Variants in MOB1B observed in about 807,000 individuals in gnomAD.
MOB1B encodes the protein MOB kinase activator 1B.
A neutral mutation model predicts 24.4 loss-of-function variants in MOB1B; 19 were observed. The ratio of observed to expected loss-of-function variants is 0.78; its 90% confidence interval spans 0.54 to 1.14. MOB1B has a LOEUF of 1.14. Ranked by LOEUF, MOB1B falls within the 50% of genes most tolerant of loss-of-function variation. The probability of loss-of-function intolerance (pLI) is 0.00; values close to 1 mark genes in which losing one functional copy is unlikely to be tolerated. For synonymous variants in MOB1B, 76 were observed against 82.1 expected, an observed-to-expected ratio of 0.93 and a Z score of 0.40; for missense variants, 243 against 259.6, an observed-to-expected ratio of 0.94 and a Z score of 0.44.
intron 2 of MOB1B, among the ~76,000 whole-genome samples, chr4:70,962,803 A>G (rs2064585663): frequency 6.6e-6 from 1 of 152,090 alleles, no homozygotes; most frequent in South Asian, 2.1e-4. Flanking sequence ...GTTCAAGACC[A>G]TCCTGGCCAA....
chr4:70,959,131 G>A (rs1003410627), intron 2 of MOB1B, 91 bp downstream of exon 2: 5 of 1,000,740 alleles, frequency 5.0e-6, no homozygotes, highest in African/African-American at 4.9e-5. Flanking sequence ...CTAGGATTTA[G>A]TTAGTAAGCT....
rs149294539 is a variant in MOB1B, at chr4:70,925,251, G to T, written c.14+22701G>T. ...GGGGTTTCACCATATTGGCCAGGCT[G>T]GTCTTGAACGCCTGACCTCTGGTGA... is the stretch of plus-strand genomic sequence containing the variant. On this transcript the variant is annotated intron_variant, in intron 1 of 5. Coordinates refer to ENST00000309395, the MANE Select transcript of MOB1B (RefSeq NM_173468.4). 4.7e-4 allele frequency among the ~76,000 whole-genome samples: 72 copies of T among 152,200 alleles called. No individual in the cohort carries two copies. The East Asian group carries it at 0.014, about 29-fold the overall frequency.
chr4:70,919,943 G>C (rs1736356595), intron 1 of MOB1B, among the ~76,000 whole-genome samples: 1 of 152,210 alleles, frequency 6.6e-6, no homozygotes, highest in Non-Finnish European at 1.5e-5. Flanking sequence ...TTACCTAGCT[G>C]GAAAGCAGGC....
At chr4:70,948,327 A>G (rs1156311670) in intron 1 of MOB1B, among the ~76,000 whole-genome samples, 2 of 152,230 alleles carry the variant, frequency 1.3e-5, no homozygotes, top group Non-Finnish European at 1.5e-5. Context: ...AGACGTAGTC[A>G]CATACCTTAC....
rs1737244882 is a variant in MOB1B at position 70,939,585 on chromosome 4, G to C, written c.15-19289G>C. Among the ~76,000 whole-genome samples, 4 of 152,224 alleles carry C rather than the reference G, an allele frequency of 2.6e-5. No homozygotes were observed. In the South Asian group the frequency reaches 8.3e-4, roughly 32 times the overall value. On this transcript the variant is annotated intron_variant, in intron 1 of 5. Coordinates refer to ENST00000309395, the MANE Select transcript of MOB1B (RefSeq NM_173468.4). ...CAATCCCAGCTACTCAAGAGGCTGA[G>C]GCTGGGAGGATCTCTTGAATGTGGT... is the stretch of plus-strand genomic sequence containing the variant.
chr4:70,914,228 A>G (rs756904800), intron 1 of MOB1B, among the ~76,000 whole-genome samples: 4 of 152,206 alleles, frequency 2.6e-5, no homozygotes, highest in East Asian at 1.9e-4. Flanking sequence ...ACTGTGAGCA[A>G]TAAATTTCTG....
chr4:70,954,333 G>T (rs1737941589), intron 1 of MOB1B, among the ~76,000 whole-genome samples: 1 of 152,168 alleles, frequency 6.6e-6, no homozygotes, highest in African/African-American at 2.4e-5. Context: ...TTTTTATTAG[G>T]CTTTCACTGC....
chr4:70,942,313 T>C (rs902967754), intron 1 of MOB1B, among the ~76,000 whole-genome samples: 2 of 152,024 alleles, frequency 1.3e-5, no homozygotes, highest in Admixed American at 6.6e-5. Context: ...TCTAGTGGTC[T>C]ATTAAATATT....
chr4:70,941,033 A>G (rs1322771086), intron 1 of MOB1B, among the ~76,000 whole-genome samples: 1 of 152,196 alleles, frequency 6.6e-6, no homozygotes, highest in Non-Finnish European at 1.5e-5. Flanking sequence ...GATTTGATTA[A>G]CCAAATTTAA....
At chr4:70,975,827 CTA>C (rs1738963576) in intron 4 of MOB1B, 2 of 901,854 alleles carry the variant, frequency 2.2e-6, no homozygotes, top group South Asian at 5.1e-5. Flanking sequence ...TACAGGTGTT[CTA>C]TGTTTTTCAT....
At chr4:70,947,018 A>G (rs1487711914) in intron 1 of MOB1B, among the ~76,000 whole-genome samples, 4 of 152,320 alleles carry the variant, frequency 2.6e-5, no homozygotes, top group Middle Eastern at 3.4e-3. Context: ...TTACTCATCT[A>G]TCATAACAGT....
chr4:70,908,335 T>G (rs2148865938), intron 1 of MOB1B, among the ~76,000 whole-genome samples: 1 of 151,144 alleles, frequency 6.6e-6, no homozygotes, highest in East Asian at 2.0e-4. Flanking sequence ...GCCCTCTTTT[T>G]TTTTTTTTTT....
chr4:70,969,681 T>C (rs1467189732), intron 2 of MOB1B, among the ~76,000 whole-genome samples: 1 of 152,242 alleles, frequency 6.6e-6, no homozygotes, highest in African/African-American at 2.4e-5. Flanking sequence ...CTATTCTAGA[T>C]ATAAGATTTC....
chr4:70,902,277 G>C, upstream of MOB1B: 1 of 582,572 alleles, frequency 1.7e-6, no homozygotes, highest in East Asian at 3.1e-5. Context: ...CTGGGGAGGG[G>C]CTCGCGGAGA....
At chr4:70,956,126 C>G (rs1738038198) in intron 1 of MOB1B, among the ~76,000 whole-genome samples, 1 of 152,086 alleles carries the variant, frequency 6.6e-6, no homozygotes, top group Non-Finnish European at 1.5e-5. Flanking sequence ...TTTCTGCACT[C>G]TAGTGTGGGC....
At chr4:70,958,619 T>C (rs1479507718) in intron 1 of MOB1B, 5 of 532,658 alleles carry the variant, frequency 9.4e-6, no homozygotes, top group African/African-American at 1.9e-5. Flanking sequence ...TAAAACATCA[T>C]GGAAGTACTT....
chr4:70,913,195 G>T (rs138933872), intron 1 of MOB1B, among the ~76,000 whole-genome samples: 1 of 152,016 alleles, frequency 6.6e-6, no homozygotes, highest in South Asian at 2.1e-4. Flanking sequence ...TTTGAGTTAC[G>T]CATTTGAGGC....
At chr4:70,912,890 A>G (rs1736051762) in intron 1 of MOB1B, among the ~76,000 whole-genome samples, 1 of 152,146 alleles carries the variant, frequency 6.6e-6, no homozygotes, top group Non-Finnish European at 1.5e-5. Flanking sequence ...CCTCCTGAGT[A>G]GCTGGGACTA....
At chr4:70,917,254 C>A (rs1736231381) in intron 1 of MOB1B, among the ~76,000 whole-genome samples, 1 of 152,124 alleles carries the variant, frequency 6.6e-6, no homozygotes, top group Admixed American at 6.6e-5. Context: ...GGGTCTTCAT[C>A]TTTTATCTAT....
Sources: allele counts gnomAD v4.1 joint callset (sites outside exome capture counted in the v4.1 genomes callset), GRCh38; gene constraint gnomAD v4.1.1; transcripts MANE v1.5; gene names NCBI Gene and HGNC (gene_info 2026-07-23, HGNC 2026-07-21).